CTSE: variants seen among roughly 807,000 people sequenced by gnomAD.
CTSE encodes the protein erythrocyte membrane aspartic proteinase.
In CTSE, 43 loss-of-function variants were observed where a neutral mutation model predicts 42.8. The ratio of observed to expected loss-of-function variants is 1.01; its 90% confidence interval spans 0.79 to 1.30. The LOEUF is 1.30. Ranked by LOEUF, CTSE falls within the 50% of genes most tolerant of loss-of-function variation. The pLI, the probability that CTSE is intolerant of heterozygous loss-of-function variation, is 0.00. For synonymous variants in CTSE, 205 were observed against 191.5 expected, an observed-to-expected ratio of 1.07 and a Z score of -0.58; for missense variants, 532 against 493.5, an observed-to-expected ratio of 1.08 and a Z score of -0.74.
At chr1:206,010,530 T>A (rs886073901) in intron 8 of CTSE, among the ~76,000 whole-genome samples, 183 bp from the exon 9 acceptor site, 5 of 152,066 alleles carry the variant, frequency 3.3e-5, no homozygotes, top group African/African-American at 1.2e-4. Context: ...GGTTGCTTAA[T>A]AAAGTGTTTG....
Position 206,023,804 on chromosome 1 carries a change from C to A in CTSE, c.-13G>T. Reference sequence around the variant, plus strand: ...GGAGCGTTTTCATTGTGAGTCCGACCAGCAGCTTCTCCCTTGCCCCCTCCT... The same window carrying A: ...GGAGCGTTTTCATTGTGAGTCCGACAAGCAGCTTCTCCCTTGCCCCCTCCT... On this transcript the variant is annotated 5_prime_UTR_variant, in exon 1 of 9. Coordinates refer to ENST00000358184, the MANE Select transcript of CTSE (RefSeq NM_001910.4). 1 of 1,613,156 alleles carries A rather than the reference C, an allele frequency of 6.2e-7. No homozygotes were observed. Among genetic ancestry groups the A allele is most frequent in the Non-Finnish European group, 8.5e-7 (1 of 1,179,356 alleles).
At chr1:206,020,158 A>G (rs1007777417) in intron 4 of CTSE, among the ~76,000 whole-genome samples, 2 of 147,766 alleles carry the variant, frequency 1.4e-5, no homozygotes, top group African/African-American at 2.5e-5. Context: ...TGTATATTAC[A>G]TATATTCATA....
chr1:206,022,272 A>C lies in CTSE; in HGVS notation c.226-5T>G, dbSNP rs1661462453. 1 of 1,596,616 alleles carries C rather than the reference A, an allele frequency of 6.3e-7. No individual in the cohort carries two copies. The highest frequency in any genetic ancestry group is 8.6e-7 in the Non-Finnish European group (1 of 1,166,112). ...GATAGTGCCGAAGTATTCCATCTGC[A>C]AGGAAGAGTGAGAAGGAAAGAGGGT... is the stretch of plus-strand genomic sequence containing the variant. On this transcript the variant is annotated splice_region_variant and splice_polypyrimidine_tract_variant and intron_variant, in intron 2 of 8. Transcript: ENST00000358184.
intron 2 of CTSE, among the ~76,000 whole-genome samples, chr1:206,022,540 T>C (rs782514218): frequency 6.6e-6 from 1 of 152,076 alleles, no homozygotes; most frequent in Non-Finnish European, 1.5e-5. Flanking sequence ...GGAGAGGCAG[T>C]GGAGGAAGAA....
At chr1:206,019,399 A>C (rs1661349135) in intron 4 of CTSE, among the ~76,000 whole-genome samples, 1 of 151,954 alleles carries the variant, frequency 6.6e-6, no homozygotes, top group Admixed American at 6.6e-5. Flanking sequence ...CTCCAGCCTC[A>C]ATGATGGGGA....
chr1:206,016,374 A>G, intron 4 of CTSE, among the ~76,000 whole-genome samples: 1 of 152,080 alleles, frequency 6.6e-6, no homozygotes, highest in East Asian at 1.9e-4. Context: ...CCTGACTTCT[A>G]ATAACATATA....
chr1:206,010,341 C>T lies in CTSE; in HGVS notation c.1033G>A (p.Val345Met), dbSNP rs145069780. 4,132 of 1,612,994 alleles carry T rather than the reference C, an allele frequency of 2.6e-3. 32 individuals carry two copies. Among genetic ancestry groups the T allele is most frequent in the Non-Finnish European group, 3.2e-3 (3,725 of 1,179,200 alleles). Residue 345 changes from valine to methionine, a missense_variant, in exon 9 of 9, where the codon GTG (valine) becomes ATG (methionine). Coordinates refer to ENST00000358184, the MANE Select transcript of CTSE (RefSeq NM_001910.4). ...CTGCTGCAGAACTGCATTCCATCCA[C>T]GAAGTCCTGTGGGTTGGAAAGAAGG... ...SPTAYTLLDF[V>M]DGMQFCSSGF...
At chr1:206,020,861 C>T (rs1553278258) in intron 4 of CTSE, among the ~76,000 whole-genome samples, 188 bp downstream of exon 4, 1 of 152,032 alleles carries the variant, frequency 6.6e-6, no homozygotes, top group Non-Finnish European at 1.5e-5. Flanking sequence ...TCCCCCAGGG[C>T]CCAGCGTGCT....
At chr1:206,015,801 T>C in intron 5 of CTSE, 130 bp downstream of exon 5, 1 of 754,644 alleles carries the variant, frequency 1.3e-6, no homozygotes, top group East Asian at 2.7e-5. Flanking sequence ...TTAAATGTTT[T>C]GACTAAGATC....
Position 206,013,295 on chromosome 1 carries a change from A to G in CTSE, c.785+477T>C. 1.3e-5 allele frequency among the ~76,000 whole-genome samples: 2 copies of G among 152,138 alleles called. 1 individual carries two copies. Among genetic ancestry groups the G allele is most frequent in the South Asian group, 4.2e-4 (2 of 4,808 alleles). ...TTCAATGTAACCCCCTCCATGATGC[A>G]CTGGAGCATTCAGATAGAAGCGGTC... is the stretch of plus-strand genomic sequence containing the variant. On this transcript the variant is annotated intron_variant, in intron 6 of 8. Transcript: ENST00000358184.
Position 206,010,312 on chromosome 1 carries a change from G to A in CTSE, c.1062C>T (p.Gly354=). 1 of 1,613,780 alleles carries A rather than the reference G, an allele frequency of 6.2e-7. No homozygotes were observed. The highest frequency in any genetic ancestry group is 8.5e-7 in the Non-Finnish European group (1 of 1,179,808). Residue 354 remains glycine (G), a synonymous_variant, in exon 9 of 9, where the codon GGC becomes GGT. Transcript: ENST00000358184. ...FVDGMQFCSS[G]FQGLDIHPPA... is the part of the protein sequence containing the mutation. ...GAGGGTGGATGTCAAGTCCTTGAAA[G>A]CCACTGCTGCAGAACTGCATTCCAT...
chr1:206,015,833 G>T, intron 5 of CTSE, 98 bp downstream of exon 5: 1 of 1,042,446 alleles, frequency 9.6e-7, no homozygotes, highest in Non-Finnish European at 1.4e-6. Context: ...AATGGACCAA[G>T]CTACCTAAAC....
Position 206,010,188 on chromosome 1 carries a change from G to A in CTSE, c.1186C>T (p.Pro396Ser), listed in dbSNP as rs2102263232. The A allele has an allele frequency of 1.2e-6, 2 of 1,613,656 alleles. No individual in the cohort carries two copies. The highest frequency in any genetic ancestry group is 2.2e-5 in the East Asian group (1 of 44,874). ...NNRVGLAPAV[P>S] is the part of the protein sequence containing the mutation. The stretch of plus-strand genomic sequence containing the variant: ...CACAGACACAAGGCCCCTCCTTAGG[G>A]GACTGCTGGGGCCAGTCCCACACGG... Residue 396 changes from proline to serine, a missense_variant, in exon 9 of 9, where the codon CCC (proline) becomes TCC (serine). Physicochemically the swap from Pro to Ser is moderately conservative, Grantham distance 74 (BLOSUM62 -1). Coordinates refer to ENST00000358184, the MANE Select transcript of CTSE (RefSeq NM_001910.4).
intron 4 of CTSE, 161 bp from the exon 5 acceptor site, chr1:206,016,291 C>T (rs2102271853): frequency 1.5e-6 from 1 of 667,876 alleles, no homozygotes; most frequent in Non-Finnish European, 2.6e-6. Context: ...TCCCAAAAAA[C>T]AGGACATTCC....
chr1:206,023,025 T>C lies in CTSE; in HGVS notation c.101A>G (p.Lys34Arg). Residue 34 changes from lysine to arginine, a missense_variant, in exon 2 of 9, where the codon AAG becomes AGG. Coordinates refer to ENST00000358184, the MANE Select transcript of CTSE (RefSeq NM_001910.4). ...VPLRRHPSLKKKLRARSQLSE... is the reference protein window; with the variant it reads ...VPLRRHPSLKRKLRARSQLSE... ...GAGCTGGCTCCGTGCCCGCAGCTTC[T>C]TCTTGAGGGACGGATGCCTCCTGAG... The C allele has an allele frequency of 6.2e-7, 1 of 1,613,272 alleles. No individual in the cohort carries two copies.
intron 4 of CTSE, among the ~76,000 whole-genome samples, chr1:206,018,288 T>A (rs1170935560): frequency 6.6e-6 from 1 of 152,086 alleles, no homozygotes; most frequent in Admixed American, 6.5e-5. Context: ...CTTGGTATGA[T>A]CTTTTTATAT....
chr1:206,023,624 C>G, intron 1 of CTSE, 100 bp downstream of exon 1: 1 of 1,144,800 alleles, frequency 8.7e-7, no homozygotes, highest in African/African-American at 1.5e-5. Context: ...TCAGCTTCTC[C>G]TCCTCTTCAC....
At chr1:206,013,676 T>G in intron 6 of CTSE, 96 bp downstream of exon 6, 1 of 1,469,724 alleles carries the variant, frequency 6.8e-7, no homozygotes, top group Non-Finnish European at 9.3e-7. Context: ...TGGCATCCTC[T>G]GCTAGTGACC....
intron 3 of CTSE, 54 bp from the exon 4 acceptor site, chr1:206,021,221 C>T (rs868980455): frequency 7.2e-7 from 1 of 1,385,534 alleles, no homozygotes; most frequent in South Asian, 1.2e-5. Context: ...GGCTGCATCC[C>T]TGCCCTAATG....
Sources: allele counts gnomAD v4.1 joint callset (sites outside exome capture counted in the v4.1 genomes callset), GRCh38; gene constraint gnomAD v4.1.1; transcripts MANE v1.5; gene names NCBI Gene and HGNC (gene_info 2026-07-23, HGNC 2026-07-21).